LRRC66: variants seen among roughly 807,000 people sequenced by gnomAD.
LRRC66 encodes the protein leucine-rich repeat-containing protein 66.
A neutral mutation model predicts 24.6 loss-of-function variants in LRRC66; 29 were observed. That is an observed-to-expected ratio of 1.18 (90% confidence interval 0.88 to 1.61). The LOEUF is 1.61. Among genes scored for constraint, LRRC66 ranks in the 40% most tolerant of loss-of-function variants. The pLI is 0.00. For missense variants in LRRC66, 1,124 were observed against 1,058.0 expected (o/e 1.06, Z -0.87); for synonymous variants, 411 against 397.6 (o/e 1.03, Z -0.40).
intron 3 of LRRC66, among the ~76,000 whole-genome samples, chr4:51,998,919 T>C (rs1397476185): frequency 2.0e-5 from 3 of 152,178 alleles, no homozygotes; most frequent in Non-Finnish European, 4.4e-5. Flanking sequence ...ATATCCCACA[T>C]AGACCCTAGC....
rs370331236 is a variant in LRRC66, at chr4:52,006,318, T to C, written c.497-2926A>G. 3.9e-3 allele frequency among the ~76,000 whole-genome samples: 587 copies of C among 151,980 alleles called. 2 individuals are homozygous for C. Among genetic ancestry groups the C allele is most frequent in the African/African-American group, 0.014 (564 of 41,416 alleles). On this transcript the variant is annotated intron_variant, in intron 2 of 4. Transcript: ENST00000682860. ...AACCAACCCAAATGTCCAACAATGATAGATTGGATTAAGAAAATGTGGCAC... is the reference window on the plus strand; with the variant it reads ...AACCAACCCAAATGTCCAACAATGACAGATTGGATTAAGAAAATGTGGCAC...
intron 3 of LRRC66, among the ~76,000 whole-genome samples, chr4:52,000,965 A>G (rs1430228236): frequency 6.6e-6 from 1 of 152,198 alleles, no homozygotes; most frequent in African/African-American, 2.4e-5. Context: ...AGCAACAGAT[A>G]ACTAATACTC....
rs1213011545 is a variant in LRRC66 at position 51,993,872 on chromosome 4, C to G, written c.*507G>C. On this transcript the variant is annotated 3_prime_UTR_variant, in exon 5 of 5. Transcript: ENST00000682860. The stretch of plus-strand genomic sequence containing the variant: ...TATGAAAAAATGTCATTTGAATTCT[C>G]TTTGATGATCAAGTTGAACATCCTT... 2 of 152,660 alleles carry G rather than the reference C, an allele frequency of 1.3e-5. No homozygotes were observed. Among genetic ancestry groups the G allele is most frequent in the South Asian group, 2.1e-4 (1 of 4,838 alleles). 9.5% of individuals were successfully genotyped at this position (152,660 alleles called of 1,614,324 possible).
At chr4:52,003,416 GAAATCTA>G in intron 2 of LRRC66, 24 bp from the exon 3 acceptor site, 1 of 1,602,010 alleles carries the variant, frequency 6.2e-7, no homozygotes, top group Non-Finnish European at 8.5e-7. Context: ...AAAGTAAGTT[GAAATCTA>G]AACTGGTAAA....
intron 4 of LRRC66, among the ~76,000 whole-genome samples, chr4:51,996,939 C>T (rs1466680684): frequency 3.3e-5 from 5 of 152,222 alleles, no homozygotes; most frequent in Admixed American, 2.0e-4. Context: ...GCTCTCTACC[C>T]TCAGAATGCC....
At chr4:51,996,844 T>C (rs1736333624) in intron 4 of LRRC66, among the ~76,000 whole-genome samples, 1 of 152,206 alleles carries the variant, frequency 6.6e-6, no homozygotes, top group Non-Finnish European at 1.5e-5. Flanking sequence ...TGTACATGGC[T>C]TCTCCTTTCT....
intron 2 of LRRC66, among the ~76,000 whole-genome samples, chr4:52,008,961 C>T (rs960915181): frequency 1.3e-5 from 2 of 151,940 alleles, no homozygotes; most frequent in Non-Finnish European, 2.9e-5. Context: ...AGGACAATAC[C>T]TGCACAAAGG....
At position 51,995,722 on chromosome 4, in the gene LRRC66, G is replaced by GC. The variant is rs1170882698; in HGVS notation, c.1299dup (p.His434AlafsTer39). On this transcript the variant is annotated frameshift_variant, in exon 5 of 5. Transcript: ENST00000682860. LOFTEE classifies it low-confidence loss of function (END_TRUNC). ...AGATGGGTCTCTGGGTGTGGTGTGT[G>GC]CCCCGCAGCTTCCATGTCATCGTAG... 6.2e-7 allele frequency: 1 copy of GC among 1,614,146 alleles called. No homozygotes were observed.
intron 2 of LRRC66, among the ~76,000 whole-genome samples, chr4:52,009,851 T>G (rs1395073253): frequency 6.6e-6 from 1 of 152,094 alleles, no homozygotes; most frequent in Non-Finnish European, 1.5e-5. Context: ...GAGGCCCACA[T>G]TACTCTAATA....
rs146124806 is a variant in LRRC66 at position 51,995,200 on chromosome 4, C to T, written c.1822G>A (p.Gly608Ser). The change falls in exon 5 of 5, where the codon GGC becomes AGC. Residue 608 changes from glycine (G) to serine (S), a missense_variant. Coordinates refer to ENST00000682860, the MANE Select transcript of LRRC66 (RefSeq NM_001024611.3). ...QRTGDSKERG[G>S]TEQSLWDSQM... ...GAGTCCCAAAGTGACTGTTCAGTGCCCCCTCTTTCCTTACTATCTCCAGTC... is the reference window on the plus strand; with the variant it reads ...GAGTCCCAAAGTGACTGTTCAGTGCTCCCTCTTTCCTTACTATCTCCAGTC... The T allele has an allele frequency of 2.5e-6, 4 of 1,614,182 alleles. No homozygotes were observed. The African/African-American group carries it at 5.3e-5, about 22-fold the overall frequency.
At position 51,995,799 on chromosome 4, in the gene LRRC66, T is replaced by C. The variant is rs368063160; in HGVS notation, c.1223A>G (p.Lys408Arg). Residue 408 changes from lysine to arginine, a missense_variant, in exon 5 of 5, where the codon AAG (lysine) becomes AGG (arginine). Physicochemically the swap from Lys to Arg is conservative, Grantham distance 26. Transcript: ENST00000682860. Reference sequence around the variant, plus strand: ...CAGGCCAGGGCTTTTGCTCTGGCACTTTTTTTGCCACAGTCTGTCAACATA... The same window carrying C: ...CAGGCCAGGGCTTTTGCTCTGGCACCTTTTTTGCCACAGTCTGTCAACATA... Reference protein sequence around the residue: ...RPYVDRLWQKKCQSKSPGLDN... With the variant: ...RPYVDRLWQKRCQSKSPGLDN... 4.3e-6 allele frequency: 7 copies of C among 1,614,074 alleles called. 2 individuals carry two copies. In the South Asian group the frequency reaches 7.7e-5, roughly 18 times the overall value.
intron 1 of LRRC66, among the ~76,000 whole-genome samples, chr4:52,020,006 G>T (rs1467118239): frequency 6.6e-6 from 1 of 151,954 alleles, no homozygotes; most frequent in Non-Finnish European, 1.5e-5. Flanking sequence ...GAACCACTCA[G>T]AACTCCAGAA....
Position 51,994,647 on chromosome 4 carries a change from T to G in LRRC66, c.2375A>C (p.Asn792Thr). The change falls in exon 5 of 5, where the codon AAT becomes ACT. Residue 792 changes from asparagine to threonine, a missense_variant. By Grantham distance (65) the Asn-to-Thr change is moderately conservative (BLOSUM62 0). Transcript: ENST00000682860. ...DSGMYKTHLE[N>T]ASDTDRSEGL... is the part of the protein sequence containing the mutation. ...CTCAGATCTATCAGTGTCAGAGGCA[T>G]TTTCCAGATGAGTCTTGTACATGCC... The G allele has an allele frequency of 6.2e-7, 1 of 1,614,168 alleles. No individual in the cohort carries two copies. The highest frequency in any genetic ancestry group is 1.1e-5 in the South Asian group (1 of 91,078).
At chr4:51,998,693 C>T (rs983210739) in intron 3 of LRRC66, among the ~76,000 whole-genome samples, 1 of 152,178 alleles carries the variant, frequency 6.6e-6, no homozygotes, top group Non-Finnish European at 1.5e-5. Context: ...TCCAGTGGCT[C>T]TAGAAACAGA....
At chr4:52,018,588 CTTCT>C (rs914067640) in intron 1 of LRRC66, 8 of 985,248 alleles carry the variant, frequency 8.1e-6, no homozygotes, top group Admixed American at 6.1e-5. Context: ...CTTGACTTTC[CTTCT>C]TTGTGATCCA....
intron 2 of LRRC66, 114 bp downstream of exon 2, chr4:52,017,004 A>G: frequency 1.7e-6 from 2 of 1,160,596 alleles, no homozygotes; most frequent in South Asian, 3.1e-5. Flanking sequence ...TGCTCTGATC[A>G]AATTGCTTTA....
chr4:51,999,518 T>G (rs1736400514), intron 3 of LRRC66, among the ~76,000 whole-genome samples: 1 of 152,158 alleles, frequency 6.6e-6, no homozygotes, highest in Admixed American at 6.5e-5. Flanking sequence ...ATACTTAGCT[T>G]TAGTCTGGTC....
At chr4:52,005,643 A>C in intron 2 of LRRC66, among the ~76,000 whole-genome samples, 1 of 149,194 alleles carries the variant, frequency 6.7e-6, no homozygotes. Flanking sequence ...GGCCAAGAAG[A>C]CTTTTTTTTT....
At chr4:52,018,854 AGTT>A (rs1736878910) in intron 1 of LRRC66, among the ~76,000 whole-genome samples, 1 of 152,170 alleles carries the variant, frequency 6.6e-6, no homozygotes, top group Non-Finnish European at 1.5e-5. Flanking sequence ...GTTCATTCCC[AGTT>A]CCAAGTTCAA....
Sources: gnomAD v4.1 joint callset for allele counts (sites outside exome capture counted in the v4.1 genomes callset) on GRCh38, gnomAD v4.1.1 for gene constraint, MANE v1.5 for transcripts, NCBI Gene and HGNC (gene_info 2026-07-23, HGNC 2026-07-21) for gene names.